AFF3: variants seen among roughly 807,000 people sequenced by gnomAD.
AFF3 encodes the protein ALF transcription elongation factor 3, also known as AF4/FMR2 family member 3.
In AFF3, 32 loss-of-function variants were observed where a neutral mutation model predicts 129.7. The ratio of observed to expected loss-of-function variants is 0.25; its 90% CI spans 0.19 to 0.33. The LOEUF is 0.33. Among genes scored for constraint, AFF3 ranks in the 10% least tolerant of loss-of-function variants. The pLI, the probability that AFF3 is intolerant of heterozygous loss-of-function variation, is 1.00. For missense variants in AFF3, 1,373 were observed against 1,592.0 expected (o/e 0.86, Z 2.34); for synonymous variants, 644 against 635.4 (o/e 1.01, Z -0.20).
At chr2:99,681,292 A>G (rs1233117444) in intron 11 of AFF3, among the ~76,000 whole-genome samples, 1 of 152,182 alleles carries the variant, frequency 6.6e-6, no homozygotes, top group Non-Finnish European at 1.5e-5. Flanking sequence ...TGAGACAATA[A>G]AGGTGAAAGC....
chr2:100,105,888 C>A (rs1200636499), intron 2 of AFF3: 7 of 1,332,074 alleles, frequency 5.3e-6, no homozygotes, highest in South Asian at 1.2e-5. Context: ...TCGCACTCCC[C>A]GCCAAAAGGG....
At chr2:99,932,299 A>G (rs1367288404) in intron 7 of AFF3, among the ~76,000 whole-genome samples, 2 of 152,150 alleles carry the variant, frequency 1.3e-5, no homozygotes, top group East Asian at 1.9e-4. Context: ...TGGCCCAGGG[A>G]AGCCAAAAAA....
chr2:100,127,153 C>A (rs1054214545), intron 2 of AFF3, among the ~76,000 whole-genome samples: 6 of 152,108 alleles, frequency 3.9e-5, no homozygotes, highest in Admixed American at 2.6e-4. Context: ...TTCATCCAGT[C>A]AGAGAAAAAA....
At chr2:100,074,776 T>A (rs1233408088) in intron 4 of AFF3, among the ~76,000 whole-genome samples, 1 of 152,154 alleles carries the variant, frequency 6.6e-6, no homozygotes, top group Non-Finnish European at 1.5e-5. Context: ...CAGTTAGAGA[T>A]AATGGACAAA....
At chr2:99,997,355 C>CTG (rs1419479288) in intron 7 of AFF3, among the ~76,000 whole-genome samples, 2 of 152,154 alleles carry the variant, frequency 1.3e-5, no homozygotes, top group Non-Finnish European at 2.9e-5. Context: ...GAACAAATAT[C>CTG]TGTCCTCAGT....
chr2:99,960,544 C>T (rs1677112756), intron 7 of AFF3, among the ~76,000 whole-genome samples: 1 of 152,192 alleles, frequency 6.6e-6, no homozygotes, highest in Non-Finnish European at 1.5e-5. Flanking sequence ...ATGCTAAATG[C>T]TGCTCTCCTT....
chr2:99,590,528 G>A (rs528684805), intron 15 of AFF3, among the ~76,000 whole-genome samples: 1 of 152,290 alleles, frequency 6.6e-6, no homozygotes, highest in Non-Finnish European at 1.5e-5. Flanking sequence ...GGACCTGCAG[G>A]AGGGAAACGG....
chr2:99,993,204 C>G (rs1402039823), intron 7 of AFF3, among the ~76,000 whole-genome samples: 1 of 152,136 alleles, frequency 6.6e-6, no homozygotes, highest in African/African-American at 2.4e-5. Flanking sequence ...GGAATCTATC[C>G]CATGAAACAG....
chr2:99,703,379 A>T (rs1159215605), intron 11 of AFF3, among the ~76,000 whole-genome samples: 1 of 152,152 alleles, frequency 6.6e-6, no homozygotes, highest in Non-Finnish European at 1.5e-5. Context: ...GCATTATTCT[A>T]TCACAGTTTT....
chr2:99,697,794 C>T (rs1310549710), intron 11 of AFF3, among the ~76,000 whole-genome samples: 3 of 152,182 alleles, frequency 2.0e-5, no homozygotes, highest in African/African-American at 4.8e-5. Context: ...ATAATAAAAC[C>T]AGCTTTGTCT....
chr2:99,819,154 A>G (rs541246371), intron 8 of AFF3, among the ~76,000 whole-genome samples: 1 of 152,224 alleles, frequency 6.6e-6, no homozygotes, highest in African/African-American at 2.4e-5. Context: ...TTTTTATTCC[A>G]AGGAAGCTTT....
chr2:100,121,973 A>T (rs930102243), intron 2 of AFF3, among the ~76,000 whole-genome samples: 1 of 152,084 alleles, frequency 6.6e-6, no homozygotes, highest in African/African-American at 2.4e-5. Context: ...GAGGCAGGAG[A>T]ATGGCGTGAA....
intron 7 of AFF3, among the ~76,000 whole-genome samples, chr2:99,980,844 C>A (rs1460334296): frequency 6.6e-6 from 1 of 152,046 alleles, no homozygotes; most frequent in Non-Finnish European, 1.5e-5. Flanking sequence ...TGGAAAAGAG[C>A]AAAAAGAAAT....
chr2:99,867,027 A>G (rs1002793618), intron 7 of AFF3, among the ~76,000 whole-genome samples: 1 of 149,154 alleles, frequency 6.7e-6, no homozygotes, highest in Admixed American at 6.7e-5. Context: ...AAAAATAAAA[A>G]ATAAAAAAAA....
intron 8 of AFF3, among the ~76,000 whole-genome samples, chr2:99,762,958 C>T (rs1424479587): frequency 2.0e-5 from 3 of 152,238 alleles, no homozygotes; most frequent in African/African-American, 7.2e-5. Flanking sequence ...ACACTCTTAT[C>T]AGATAAGTGC....
chr2:99,628,781 C>T (rs1682849689), intron 13 of AFF3, among the ~76,000 whole-genome samples: 2 of 141,646 alleles, frequency 1.4e-5, no homozygotes, highest in Admixed American at 1.5e-4. Flanking sequence ...AGTGCAATGG[C>T]ACAATCTTGG....
chr2:99,988,796 A>G (rs1413419846), intron 7 of AFF3, among the ~76,000 whole-genome samples: 1 of 152,080 alleles, frequency 6.6e-6, no homozygotes, highest in Non-Finnish European at 1.5e-5. Context: ...GAAAGAGAGG[A>G]CAAAAGGAGC....
intron 4 of AFF3, among the ~76,000 whole-genome samples, chr2:100,074,950 T>C (rs1481876847): frequency 1.3e-5 from 2 of 152,194 alleles, no homozygotes; most frequent in African/African-American, 4.8e-5. Context: ...GATAAAAGTA[T>C]CCTAATTTAA....
At chr2:99,981,347 C>T (rs1679385109) in intron 7 of AFF3, among the ~76,000 whole-genome samples, 1 of 152,140 alleles carries the variant, frequency 6.6e-6, no homozygotes, top group Non-Finnish European at 1.5e-5. Flanking sequence ...CACATTAGGG[C>T]ATAGAGATTT....
Sources: gnomAD v4.1 joint callset for allele counts (sites outside exome capture counted in the v4.1 genomes callset) on GRCh38, gnomAD v4.1.1 for gene constraint, MANE v1.5 for transcripts, NCBI Gene and HGNC (gene_info 2026-07-23, HGNC 2026-07-21) for gene names.